STXBP5L: variants seen among roughly 807,000 people sequenced by gnomAD.
STXBP5L encodes the protein syntaxin binding protein 5L.
Under a neutral mutation model 144.5 loss-of-function variants are expected in STXBP5L, and 65 were observed. The ratio of observed to expected loss-of-function variants is 0.45; its 90% CI spans 0.37 to 0.55. The LOEUF is 0.55. STXBP5L is among the 20% of genes least tolerant of loss of function. The pLI is 0.00. For missense variants in STXBP5L, 1,298 were observed against 1,405.5 expected (o/e 0.92, Z 1.22); for synonymous variants, 505 against 469.6 (o/e 1.08, Z -0.97).
At chr3:121,311,999 A>G (rs2043546495) in intron 19 of STXBP5L, among the ~76,000 whole-genome samples, 1 of 152,228 alleles carries the variant, frequency 6.6e-6, no homozygotes, top group South Asian at 2.1e-4. Flanking sequence ...ACAGAGATAT[A>G]GATCAATGGA....
chr3:120,991,665 G>T (rs1014486209), intron 3 of STXBP5L, among the ~76,000 whole-genome samples: 3 of 152,148 alleles, frequency 2.0e-5, no homozygotes, highest in Non-Finnish European at 4.4e-5. Context: ...AAAATGATGA[G>T]TTCATGTCCT....
In STXBP5L at chr3:121,386,323, G is replaced by T. The variant is rs540140220; in HGVS notation, c.2587+4791G>T. ...TTATAAGTGAGAACATGTAGTTTTT[G>T]ACTTTCTCAGTCATTTTATTTAGGA... On this transcript the variant is annotated intron_variant, in intron 22 of 26. Coordinates refer to ENST00000471454, the MANE Select transcript of STXBP5L (RefSeq NM_001308330.2). Among the ~76,000 whole-genome samples the T allele has an allele frequency of 5.9e-5, 9 of 152,040 alleles. No individual in the cohort carries two copies. In the South Asian group the frequency reaches 8.3e-4, roughly 14 times the overall value.
chr3:121,320,694 G>A (rs6787282), intron 20 of STXBP5L, among the ~76,000 whole-genome samples: 96,157 of 150,176 alleles, frequency 0.64, 31,595 homozygotes, highest in East Asian at 0.87. Flanking sequence ...AACGCACAAC[G>A]ACCACACTTT....
chr3:121,089,318 C>G (rs1232895260), intron 5 of STXBP5L, among the ~76,000 whole-genome samples: 1 of 151,238 alleles, frequency 6.6e-6, no homozygotes. Context: ...TTTCCTTTAC[C>G]TGATAATGTC....
intron 9 of STXBP5L, among the ~76,000 whole-genome samples, chr3:121,169,565 G>C (rs2046629222): frequency 1.3e-5 from 2 of 152,154 alleles, no homozygotes; most frequent in East Asian, 1.9e-4. Context: ...TGATAAAACA[G>C]ACTTTAAACC....
At chr3:121,411,740 G>C (rs2047118373) in intron 23 of STXBP5L, among the ~76,000 whole-genome samples, 1 of 152,074 alleles carries the variant, frequency 6.6e-6, no homozygotes, top group African/African-American at 2.4e-5. Context: ...CCTAAGTTAT[G>C]GGTAATTTTC....
rs2043861862 is a variant in STXBP5L at position 121,318,553 on chromosome 3, G to T, written c.2176+13G>T. On this transcript the variant is annotated intron_variant, in intron 20 of 26. Transcript: ENST00000471454. ...TCTCCTACCTCAGGTAAACATGAGT[G>T]GTATTTTGCAGACTTCTGGTAATTC... The T allele has an allele frequency of 2.0e-6, 3 of 1,523,190 alleles. No individual in the cohort carries two copies. The highest frequency in any genetic ancestry group is 1.9e-5 in the Admixed American group (1 of 51,426). 94.4% of individuals were successfully genotyped at this position (1,523,190 alleles called of 1,614,324 possible).
chr3:121,394,089 T>C (rs1249741816), intron 22 of STXBP5L, among the ~76,000 whole-genome samples: 1 of 152,200 alleles, frequency 6.6e-6, no homozygotes, highest in East Asian at 1.9e-4. Context: ...GTTTGTGTCA[T>C]CTCAATTTCT....
chr3:121,275,689 T>G (rs999824931), intron 18 of STXBP5L, among the ~76,000 whole-genome samples: 4 of 152,138 alleles, frequency 2.6e-5, no homozygotes, highest in Non-Finnish European at 4.4e-5. Context: ...TCTATTGGTT[T>G]TCATGAATTT....
chr3:121,110,725 G>A lies in STXBP5L; in HGVS notation c.471-4200G>A, dbSNP rs562263549. On this transcript the variant is annotated intron_variant, in intron 5 of 26. Coordinates refer to ENST00000471454, the MANE Select transcript of STXBP5L (RefSeq NM_001308330.2). Reference sequence around the variant, plus strand: ...TGCCTTGGGGGTTGATCTTCTTATGGAATATCTTACTGGGGTTCTCTGGAT... The same window carrying A: ...TGCCTTGGGGGTTGATCTTCTTATGAAATATCTTACTGGGGTTCTCTGGAT... Among the ~76,000 whole-genome samples, 17 of 152,192 alleles carry A rather than the reference G, an allele frequency of 1.1e-4. No individual in the cohort carries two copies. In the South Asian group the frequency reaches 3.5e-3, roughly 32 times the overall value.
At chr3:121,332,854 TAAG>T (rs906052031) in intron 20 of STXBP5L, among the ~76,000 whole-genome samples, 2 of 148,124 alleles carry the variant, frequency 1.4e-5, no homozygotes, top group African/African-American at 5.0e-5. Flanking sequence ...TAAAGAATGA[TAAG>T]AACGTGAAAA....
intron 19 of STXBP5L, among the ~76,000 whole-genome samples, chr3:121,310,394 A>G (rs865872486): frequency 1.5e-4 from 22 of 151,586 alleles, no homozygotes; most frequent in Admixed American, 9.2e-4. Context: ...GTGGATCACG[A>G]GGTCAGGAGA....
At chr3:121,188,517 T>C (rs2047495881) in intron 9 of STXBP5L, among the ~76,000 whole-genome samples, 1 of 151,430 alleles carries the variant, frequency 6.6e-6, no homozygotes, top group Non-Finnish European at 1.5e-5. Flanking sequence ...AAAAAGACTT[T>C]TAGACCAATA....
intron 3 of STXBP5L, among the ~76,000 whole-genome samples, chr3:120,960,060 A>AG (rs1938574841): frequency 6.6e-6 from 1 of 152,232 alleles, no homozygotes; most frequent in South Asian, 2.1e-4. Context: ...AAAATTTACC[A>AG]GAAAAAAACA....
chr3:120,966,142 G>T (rs938429812), intron 3 of STXBP5L, among the ~76,000 whole-genome samples: 1 of 152,094 alleles, frequency 6.6e-6, no homozygotes, highest in African/African-American at 2.4e-5. Context: ...GTCATTTAAG[G>T]TCTTCTATAC....
At chr3:121,006,773 T>C (rs920207236) in intron 3 of STXBP5L, among the ~76,000 whole-genome samples, 1 of 152,178 alleles carries the variant, frequency 6.6e-6, no homozygotes, top group South Asian at 2.1e-4. Context: ...CAGCATTTGC[T>C]TGTCTGTGAA....
At position 121,022,515 on chromosome 3, in the gene STXBP5L, A is replaced by G. The variant is rs79025284; in HGVS notation, c.288-19185A>G. 1.6e-4 allele frequency among the ~76,000 whole-genome samples: 24 copies of G among 152,300 alleles called. No individual in the cohort carries two copies. The East Asian group carries it at 4.6e-3, about 29-fold the overall frequency. On this transcript the variant is annotated intron_variant, in intron 3 of 26. Transcript: ENST00000471454. ...CATAGATGCAAAAATCCTCAACAAA[A>G]TACTAGCTAACCGAATCCAAGACCA...
At chr3:121,138,984 T>C (rs936740793) in intron 7 of STXBP5L, among the ~76,000 whole-genome samples, 1 of 151,962 alleles carries the variant, frequency 6.6e-6, no homozygotes, top group African/African-American at 2.4e-5. Context: ...AAATGTTAGT[T>C]ATAGAAAAAT....
rs375795492 is a variant in STXBP5L at position 121,023,960 on chromosome 3, G to A, written c.288-17740G>A. ...TTTTTAGTAGAGATGGAGTTTCACCGTGTTAGCCAGGATGGTCTCGATCTC... is the reference window on the plus strand; with the variant it reads ...TTTTTAGTAGAGATGGAGTTTCACCATGTTAGCCAGGATGGTCTCGATCTC... On this transcript the variant is annotated intron_variant, in intron 3 of 26. Coordinates refer to ENST00000471454, the MANE Select transcript of STXBP5L (RefSeq NM_001308330.2). 2.3e-4 allele frequency among the ~76,000 whole-genome samples: 35 copies of A among 152,082 alleles called. 1 individual carries two copies. The East Asian group carries it at 2.7e-3, about 12-fold the overall frequency.
Sources: allele counts gnomAD v4.1 joint callset (sites outside exome capture counted in the v4.1 genomes callset), GRCh38; gene constraint gnomAD v4.1.1; transcripts MANE v1.5; gene names NCBI Gene and HGNC (gene_info 2026-07-23, HGNC 2026-07-21).